The following RAD51C variants were observed in gnomAD, a reference collection of about 807,000 sequenced individuals.
RAD51C encodes the protein DNA repair protein RAD51 homolog 3.
In RAD51C, 42 loss-of-function variants were observed where a neutral mutation model predicts 45.0. That is an observed-to-expected ratio of 0.93 (90% CI 0.73 to 1.21). RAD51C has a LOEUF of 1.21. RAD51C is among the 50% of genes most tolerant of loss of function. The pLI is 0.00. For missense variants in RAD51C, 474 were observed against 452.2 expected (o/e 1.05, Z -0.44); for synonymous variants, 172 against 159.8 (o/e 1.08, Z -0.58).
At chr17:58,728,818 G>T (rs966332336) in intron 7 of RAD51C, among the ~76,000 whole-genome samples, 4 of 152,048 alleles carry the variant, frequency 2.6e-5, no homozygotes, top group Non-Finnish European at 5.9e-5. Context: ...ACTAATGATG[G>T]AATAATATTC....
intron 5 of RAD51C, among the ~76,000 whole-genome samples, chr17:58,711,079 G>C (rs1283030082): frequency 6.6e-6 from 1 of 152,086 alleles, no homozygotes; most frequent in African/African-American, 2.4e-5. Flanking sequence ...AAAGCATAGT[G>C]CCCTGTGTTT....
intron 3 of RAD51C, among the ~76,000 whole-genome samples, chr17:58,701,754 C>T (rs558727384): frequency 6.6e-6 from 1 of 151,186 alleles, no homozygotes; most frequent in Admixed American, 6.6e-5. Flanking sequence ...TATTTTTAGT[C>T]GAGATGTGTT....
intron 8 of RAD51C, among the ~76,000 whole-genome samples, chr17:58,733,026 CT>C (rs990347458): frequency 6.6e-6 from 1 of 151,262 alleles, no homozygotes. Context: ...TTTGGCATCT[CT>C]TTTTTTTTGA....
chr17:58,718,237 A>T (rs1013186512), intron 5 of RAD51C, among the ~76,000 whole-genome samples: 1 of 152,042 alleles, frequency 6.6e-6, no homozygotes, highest in Non-Finnish European at 1.5e-5. Context: ...ACCTCAGGTG[A>T]TCTACCTGCC....
intron 4 of RAD51C, chr17:58,706,488 G>T: frequency 4.8e-6 from 2 of 417,966 alleles, no homozygotes; most frequent in Middle Eastern, 3.6e-4. Flanking sequence ...CTGCCTTCCA[G>T]GCCCACTGCA....
At chr17:58,700,081 T>C (rs1478517853) in intron 3 of RAD51C, 2 of 152,216 alleles carry the variant, frequency 1.3e-5, no homozygotes, top group Non-Finnish European at 2.9e-5. Context: ...GGTCTCAAAC[T>C]TCTGACCTCA....
In RAD51C at chr17:58,734,969, C is replaced by T. The variant is rs934183774; in HGVS notation, c.*747C>T. The T allele has an allele frequency of 6.6e-6, 1 of 152,054 alleles. No individual in the cohort carries two copies. Among genetic ancestry groups the T allele is most frequent in the Non-Finnish European group, 1.5e-5 (1 of 68,054 alleles). The allele number at this position is 152,054 out of a possible 1,614,324, so 9.4% of individuals were successfully genotyped here. ...TATAATTATAAAAGAGAAGCCAGCA[C>T]CATGAGTCAGCATATTATTCTGTTC... On this transcript the variant is annotated 3_prime_UTR_variant, in exon 9 of 9. Transcript: ENST00000337432.
chr17:58,704,453 T>TA (rs1313508293), intron 4 of RAD51C, among the ~76,000 whole-genome samples: 1 of 151,692 alleles, frequency 6.6e-6, no homozygotes, highest in Non-Finnish European at 1.5e-5. Context: ...TTTTTTTTTT[T>TA]TATATTTTTG....
At chr17:58,695,368 A>T (rs1452754473) in intron 2 of RAD51C, 179 bp downstream of exon 2, 10 of 1,369,818 alleles carry the variant, frequency 7.3e-6, no homozygotes, top group African/African-American at 2.9e-5. Context: ...TTCTTGATAA[A>T]TGTATGCAAT....
chr17:58,723,207 C>G (rs1409222533), intron 6 of RAD51C, among the ~76,000 whole-genome samples: 2 of 152,120 alleles, frequency 1.3e-5, no homozygotes, highest in Non-Finnish European at 1.5e-5. Flanking sequence ...CCCATCATCT[C>G]TACCTCACAA....
Position 58,716,187 on chromosome 17 carries a change from C to T in RAD51C, c.838-4559C>T, listed in dbSNP as rs148256874. 4.7e-3 allele frequency among the ~76,000 whole-genome samples: 709 copies of T among 151,560 alleles called. 26 individuals are homozygous for T. Among genetic ancestry groups the T allele is most frequent in the Admixed American group, 0.041 (618 of 15,224 alleles). ...TTTCAGTTGTATCATGGAGGCCAAT[C>T]GTTTTGCAAAAGTAATATAATTGCT... On this transcript the variant is annotated intron_variant, in intron 5 of 8. Transcript: ENST00000337432.
intron 5 of RAD51C, among the ~76,000 whole-genome samples, chr17:58,712,258 T>G (rs974259862): frequency 1.4e-5 from 2 of 143,714 alleles, no homozygotes; most frequent in African/African-American, 5.2e-5. Context: ...GGCAGGGGAA[T>G]CATTTGAACC....
chr17:58,711,635 AT>A (rs74638515), intron 5 of RAD51C, among the ~76,000 whole-genome samples: 5,389 of 145,592 alleles, frequency 0.037, 150 homozygotes, highest in East Asian at 0.079. Flanking sequence ...TAATTTTTGT[AT>A]TTTTTTTTTT....
At chr17:58,732,376 A>G in intron 7 of RAD51C, 108 bp from the exon 8 acceptor site, 1 of 893,128 alleles carries the variant, frequency 1.1e-6, no homozygotes, top group South Asian at 1.6e-5. Flanking sequence ...AAAAAATAGA[A>G]TTATTAATAT....
At chr17:58,723,952 G>A in intron 6 of RAD51C, 88 bp from the exon 7 acceptor site, 1 of 1,175,254 alleles carries the variant, frequency 8.5e-7, no homozygotes, top group Admixed American at 1.8e-5. Context: ...AATTAATAAA[G>A]TAAGATTATA....
intron 6 of RAD51C, among the ~76,000 whole-genome samples, chr17:58,722,890 T>C (rs769525757): frequency 2.0e-5 from 3 of 152,176 alleles, no homozygotes; most frequent in Non-Finnish European, 2.9e-5. Context: ...AGCTTTAGAT[T>C]ATATGTCTTG....
upstream of RAD51C, chr17:58,692,593 A>G (rs762043712): frequency 6.2e-7 from 1 of 1,609,600 alleles, no homozygotes; most frequent in Middle Eastern, 2.0e-4. Context: ...CGCACGCCCC[A>G]GCGAGGGCGT....
At chr17:58,709,790 G>C (rs2048490295) in intron 4 of RAD51C, 69 bp from the exon 5 acceptor site, 1 of 1,423,082 alleles carries the variant, frequency 7.0e-7, no homozygotes, top group East Asian at 2.4e-5. Flanking sequence ...CTCTTGGAGA[G>C]AGAGAGCATT....
intron 5 of RAD51C, among the ~76,000 whole-genome samples, chr17:58,710,453 G>A (rs904666162): frequency 6.7e-6 from 1 of 148,416 alleles, no homozygotes; most frequent in Non-Finnish European, 1.5e-5. Context: ...GGTGGAGAAC[G>A]CGCCATCACA....
Sources: gnomAD v4.1 joint callset for allele counts (sites outside exome capture counted in the v4.1 genomes callset) on GRCh38, gnomAD v4.1.1 for gene constraint, MANE v1.5 for transcripts, NCBI Gene and HGNC (gene_info 2026-07-23, HGNC 2026-07-21) for gene names.